ZDHHC11B: variants seen among roughly 807,000 people sequenced by gnomAD.
ZDHHC11B encodes zDHHC palmitoyltransferase 11B (putative), also known as probable palmitoyltransferase ZDHHC11B.
A neutral mutation model predicts 42.3 loss-of-function variants in ZDHHC11B; 17 were observed. That is an observed-to-expected ratio of 0.40 (90% CI 0.27 to 0.60). The LOEUF (loss-of-function observed/expected upper bound fraction) is 0.60, where lower values mean the gene tolerates loss of function less well. Ranked by LOEUF, ZDHHC11B falls within the 20% of genes least tolerant of loss-of-function variation. ZDHHC11B has a pLI of 0.41. For missense variants in ZDHHC11B, 262 were observed against 463.2 expected (o/e 0.57, Z 3.99); for synonymous variants, 123 against 193.5 (o/e 0.64, Z 3.02).
chr5:737,703 CAG>C (rs1743697059), intron 10 of ZDHHC11B, among the ~76,000 whole-genome samples: 1 of 149,494 alleles, frequency 6.7e-6, no homozygotes, highest in Non-Finnish European at 1.5e-5. Flanking sequence ...AACAAAAAAT[CAG>C]AGATCATCTC....
intron 1 of ZDHHC11B, among the ~76,000 whole-genome samples, chr5:775,259 C>A (rs1736378681): frequency 6.6e-6 from 1 of 151,946 alleles, no homozygotes; most frequent in South Asian, 2.1e-4. Flanking sequence ...GCAGCTTCTC[C>A]AGCTGCACCC....
At chr5:766,651 C>T (rs868416977) in intron 4 of ZDHHC11B, 47 bp downstream of exon 4, 1 of 1,549,656 alleles carries the variant, frequency 6.5e-7, no homozygotes. Flanking sequence ...TCGCAGGGTC[C>T]TCCAGGAACC....
At chr5:717,365 T>A (rs58626923) in intron 12 of ZDHHC11B, among the ~76,000 whole-genome samples, 2,997 of 150,806 alleles carry the variant, frequency 0.02, 19 homozygotes, top group African/African-American at 0.07. Flanking sequence ...CTTGATTGTT[T>A]ATGTGTGCTG....
At chr5:778,255 A>G (rs527421216) in intron 1 of ZDHHC11B, among the ~76,000 whole-genome samples, 3 of 151,912 alleles carry the variant, frequency 2.0e-5, no homozygotes, top group East Asian at 3.9e-4. Flanking sequence ...AAAAGGGAAT[A>G]GAGATCCCGG....
chr5:762,650 C>T (rs1378321708), intron 4 of ZDHHC11B, among the ~76,000 whole-genome samples: 1 of 151,694 alleles, frequency 6.6e-6, no homozygotes, highest in Non-Finnish European at 1.5e-5. Flanking sequence ...TGTGCATGCC[C>T]GGGTCTGTGC....
At chr5:722,963 G>A (rs573729452) in intron 12 of ZDHHC11B, among the ~76,000 whole-genome samples, 7 of 151,646 alleles carry the variant, frequency 4.6e-5, no homozygotes, top group African/African-American at 1.7e-4. Context: ...TGTATTGCAC[G>A]TATGTATGTA....
intron 12 of ZDHHC11B, among the ~76,000 whole-genome samples, chr5:722,584 T>C (rs1742271095): frequency 6.6e-6 from 1 of 151,670 alleles, no homozygotes; most frequent in African/African-American, 2.4e-5. Flanking sequence ...GAGTGTAACA[T>C]GTGCAACACC....
intron 10 of ZDHHC11B, among the ~76,000 whole-genome samples, chr5:738,968 C>A (rs60151897): frequency 0.044 from 6,497 of 148,658 alleles, 178 homozygotes; most frequent in African/African-American, 0.13. Flanking sequence ...TAAATAAGTA[C>A]CTTCTGCACA....
intron 6 of ZDHHC11B, among the ~76,000 whole-genome samples, chr5:753,178 G>A (rs2127106280): frequency 7.8e-6 from 1 of 129,014 alleles, no homozygotes. Flanking sequence ...CCCTCACAGG[G>A]GCTCTGCCAT....
At chr5:736,466 AG>A (rs1180393480) in intron 10 of ZDHHC11B, among the ~76,000 whole-genome samples, 1 of 149,680 alleles carries the variant, frequency 6.7e-6, no homozygotes, top group Non-Finnish European at 1.5e-5. Context: ...CTAGAACAAA[AG>A]GACTTGACAG....
intron 4 of ZDHHC11B, among the ~76,000 whole-genome samples, chr5:758,818 C>T (rs1403068723): frequency 2.0e-5 from 3 of 152,042 alleles, no homozygotes; most frequent in Middle Eastern, 3.4e-3. Flanking sequence ...CTTTGGCCAG[C>T]GAGGTCCGCG....
At chr5:763,655 C>T (rs1200973910) in intron 4 of ZDHHC11B, among the ~76,000 whole-genome samples, 3 of 151,730 alleles carry the variant, frequency 2.0e-5, no homozygotes, top group East Asian at 3.8e-4. Flanking sequence ...GGCACGTGGG[C>T]TCCTGATGTG....
At chr5:765,837 A>G (rs1735241543) in intron 4 of ZDHHC11B, among the ~76,000 whole-genome samples, 1 of 151,940 alleles carries the variant, frequency 6.6e-6, no homozygotes, top group Admixed American at 6.6e-5. Context: ...GAACTGTAAC[A>G]CTCACCGCGA....
chr5:774,755 G>C (rs1272574968), intron 1 of ZDHHC11B, among the ~76,000 whole-genome samples: 1 of 53,618 alleles, frequency 1.9e-5, no homozygotes, highest in Admixed American at 2.0e-4. Context: ...TAGGACCTGG[G>C]GTCTGTCACT....
chr5:724,168 GCATGTGTCT>G (rs1742390727), intron 12 of ZDHHC11B, among the ~76,000 whole-genome samples: 1 of 151,416 alleles, frequency 6.6e-6, no homozygotes, highest in African/African-American at 2.4e-5. Context: ...TTGGACGTCT[GCATGTGTCT>G]CCAACACACT....
At chr5:776,192 C>T (rs1736464747) in intron 1 of ZDHHC11B, among the ~76,000 whole-genome samples, 1 of 151,424 alleles carries the variant, frequency 6.6e-6, no homozygotes, top group Non-Finnish European at 1.5e-5. Flanking sequence ...TTAGGAAACC[C>T]TAGGGCCAGA....
chr5:744,569 C>T (rs1359033132), intron 9 of ZDHHC11B, among the ~76,000 whole-genome samples: 1 of 149,074 alleles, frequency 6.7e-6, no homozygotes, highest in African/African-American at 2.5e-5. Flanking sequence ...GAACTAACTT[C>T]CTTAAGTTAA....
intron 1 of ZDHHC11B, among the ~76,000 whole-genome samples, chr5:779,413 G>A (rs1478238237): frequency 2.7e-5 from 4 of 149,742 alleles, no homozygotes; most frequent in Non-Finnish European, 5.9e-5. Flanking sequence ...AGTCTTTGAG[G>A]CCCTCAGGTG....
rs1047183472 is a variant in ZDHHC11B, at chr5:784,708, C to A, written c.-270G>T. Among the ~76,000 whole-genome samples, 7 of 150,022 alleles carry A rather than the reference C, an allele frequency of 4.7e-5. No individual in the cohort carries two copies. Among genetic ancestry groups the A allele is most frequent in the African/African-American group, 1.7e-4 (7 of 40,900 alleles). ...ACTGCAGCGGAGGCTCCCCCGCGAC[C>A]CGGCCGCGCGCGACCAAGTGCTCAG... On this transcript the variant is annotated 5_prime_UTR_variant, in exon 1 of 14. Transcript: ENST00000508859.
Sources: allele counts gnomAD v4.1 joint callset (sites outside exome capture counted in the v4.1 genomes callset), GRCh38; gene constraint gnomAD v4.1.1; transcripts MANE v1.5; gene names NCBI Gene and HGNC (gene_info 2026-07-23, HGNC 2026-07-21).